The following ZNF609 variants were observed in gnomAD, a reference collection of about 807,000 sequenced individuals.
ZNF609 encodes the protein zinc finger protein 609.
ZNF609 carries 11 observed loss-of-function variants against 109.5 expected under a neutral mutation model. That is an observed-to-expected ratio of 0.10 (90% confidence interval 0.06 to 0.17). The LOEUF (loss-of-function observed/expected upper bound fraction) is 0.17. Ranked by LOEUF, ZNF609 falls within the 10% of genes least tolerant of loss-of-function variation. The pLI, the probability that ZNF609 is intolerant of heterozygous loss-of-function variation, is 1.00. For missense variants in ZNF609, 1,559 were observed against 1,772.4 expected, an observed-to-expected ratio of 0.88 and a Z score of 2.16; for synonymous variants, 646 against 662.0, an observed-to-expected ratio of 0.98 and a Z score of 0.37.
chr15:64,492,063 G>A lies in ZNF609; in HGVS notation c.-127-7230G>A, dbSNP rs1472273221. On this transcript the variant is annotated intron_variant, in intron 1 of 9. Transcript: ENST00000326648. ...TCGAGACCAGCATGGCCAACATGGCGAAACCCCATCTCTACTAAAAGTACA... is the reference window on the plus strand; with the variant it reads ...TCGAGACCAGCATGGCCAACATGGCAAAACCCCATCTCTACTAAAAGTACA... Among the ~76,000 whole-genome samples, 5 of 152,040 alleles carry A rather than the reference G, an allele frequency of 3.3e-5. No individual in the cohort carries two copies. The East Asian group carries it at 7.8e-4, about 24-fold the overall frequency.
chr15:64,529,447 G>A (rs1595708720), intron 2 of ZNF609: 4 of 922,790 alleles, frequency 4.3e-6, no homozygotes. Flanking sequence ...TGGAAAATGG[G>A]TGATGGGGTT....
chr15:64,524,473 A>G (rs1322067384), intron 2 of ZNF609, among the ~76,000 whole-genome samples: 1 of 151,468 alleles, frequency 6.6e-6, no homozygotes, highest in Non-Finnish European at 1.5e-5. Flanking sequence ...CTGAGGCAGG[A>G]GAATTGCTTG....
At chr15:64,470,498 A>G (rs910416298) in intron 1 of ZNF609, 3 of 152,076 alleles carry the variant, frequency 2.0e-5, no homozygotes, top group Non-Finnish European at 2.9e-5. Context: ...ATTGAGAGTA[A>G]TGTTAGGAAG....
At chr15:64,579,721 A>AAAT (rs397696623) in intron 2 of ZNF609, among the ~76,000 whole-genome samples, 1 of 150,608 alleles carries the variant, frequency 6.6e-6, no homozygotes, top group African/African-American at 2.4e-5. Flanking sequence ...AAAAAAAAAA[A>AAAT]CTTGTGTTTT....
chr15:64,588,615 A>C (rs1053176363), intron 2 of ZNF609, among the ~76,000 whole-genome samples: 1 of 149,934 alleles, frequency 6.7e-6, no homozygotes, highest in Non-Finnish European at 1.5e-5. Context: ...ATAGTGCTGG[A>C]ATTACAGGCA....
rs3057845 is a variant in ZNF609 at position 64,637,994 on chromosome 15, T to TTATATATA, written c.973+14957_973+14964dup. On this transcript the variant is annotated intron_variant, in intron 3 of 9. Coordinates refer to ENST00000326648, the MANE Select transcript of ZNF609 (RefSeq NM_015042.2). ...CTATGTTTTTTCTGAGAACCTTGTT[T>TTATATATA]TATATATATATATATATATATAAAA... 3.3e-3 allele frequency among the ~76,000 whole-genome samples: 450 copies of TTATATATA among 134,340 alleles called. 3 individuals carry two copies. Among genetic ancestry groups the TTATATATA allele is most frequent in the African/African-American group, 8.8e-3 (328 of 37,232 alleles). The allele number at this position is 134,340 out of a possible 152,430, so 88.1% of individuals were successfully genotyped here.
intron 2 of ZNF609, among the ~76,000 whole-genome samples, chr15:64,605,719 T>G (rs1219904020): frequency 6.6e-6 from 1 of 151,428 alleles, no homozygotes; most frequent in Non-Finnish European, 1.5e-5. Flanking sequence ...GCTGAGATTT[T>G]TTTTTCTTTT....
intron 2 of ZNF609, among the ~76,000 whole-genome samples, chr15:64,613,011 T>A (rs1196532695): frequency 2.6e-5 from 4 of 151,434 alleles, no homozygotes; most frequent in Non-Finnish European, 5.9e-5. Flanking sequence ...TGAGACTCTG[T>A]CTAAAACACA....
chr15:64,552,935 C>G (rs562982215), intron 2 of ZNF609, among the ~76,000 whole-genome samples: 5 of 152,166 alleles, frequency 3.3e-5, no homozygotes, highest in Admixed American at 6.5e-5. Context: ...GGGCATAAGG[C>G]ATTGCACTCA....
chr15:64,629,701 CT>C (rs1173685573), intron 3 of ZNF609, among the ~76,000 whole-genome samples: 2 of 152,148 alleles, frequency 1.3e-5, no homozygotes, highest in African/African-American at 4.8e-5. Flanking sequence ...GAAATTTAGC[CT>C]TTTAGCTGGA....
chr15:64,615,868 C>G (rs948699318), intron 2 of ZNF609, among the ~76,000 whole-genome samples: 4 of 152,182 alleles, frequency 2.6e-5, no homozygotes, highest in African/African-American at 9.7e-5. Flanking sequence ...CCCCAACTAC[C>G]TTTTTATTTT....
At chr15:64,468,759 G>A (rs1893049020) in intron 1 of ZNF609, among the ~76,000 whole-genome samples, 1 of 152,046 alleles carries the variant, frequency 6.6e-6, no homozygotes, top group Non-Finnish European at 1.5e-5. Context: ...TCATAGAATT[G>A]AGAGTCATAA....
At chr15:64,676,802 G>A (rs1193898115) in intron 5 of ZNF609, among the ~76,000 whole-genome samples, 1 of 143,036 alleles carries the variant, frequency 7.0e-6, no homozygotes, top group African/African-American at 2.6e-5. Flanking sequence ...CACCCAGGCT[G>A]GAATGCACTG....
At chr15:64,612,034 C>T (rs745582149) in intron 2 of ZNF609, among the ~76,000 whole-genome samples, 2 of 151,882 alleles carry the variant, frequency 1.3e-5, no homozygotes, top group African/African-American at 2.4e-5. Flanking sequence ...CGTGCCCAGC[C>T]TGTACTTGCA....
Position 64,500,486 on chromosome 15 carries a change from G to A in ZNF609, c.747+320G>A, listed in dbSNP as rs1274937452. 3 of 633,442 alleles carry A rather than the reference G, an allele frequency of 4.7e-6. No individual in the cohort carries two copies. In the African/African-American group the frequency reaches 5.4e-5, roughly 11 times the overall value. The allele number at this position is 633,442 out of a possible 1,614,324, so 39.2% of individuals were successfully genotyped here. On this transcript the variant is annotated intron_variant, in intron 2 of 9. Coordinates refer to ENST00000326648, the MANE Select transcript of ZNF609 (RefSeq NM_015042.2). ...TGCCCACCTCAGACACTTGTTGGTA[G>A]AGATTGGCATCAGACCTTTATTTGT...
intron 4 of ZNF609, among the ~76,000 whole-genome samples, chr15:64,672,203 G>A (rs1896740945): frequency 6.7e-6 from 1 of 149,176 alleles, no homozygotes; most frequent in African/African-American, 2.4e-5. Flanking sequence ...TAGTAGAGAC[G>A]GGGTTTCACC....
chr15:64,607,569 A>G (rs906527361), intron 2 of ZNF609, among the ~76,000 whole-genome samples: 2 of 141,232 alleles, frequency 1.4e-5, no homozygotes, highest in African/African-American at 5.4e-5. Context: ...CAGTGGCGCG[A>G]TCTTGGCTCA....
intron 1 of ZNF609, among the ~76,000 whole-genome samples, chr15:64,486,751 G>A (rs945595961): frequency 6.6e-6 from 1 of 151,898 alleles, no homozygotes; most frequent in Admixed American, 6.6e-5. Flanking sequence ...GAGTAGCTGG[G>A]ACTATAGGCA....
At chr15:64,543,616 G>A (rs987646686) in intron 2 of ZNF609, among the ~76,000 whole-genome samples, 2 of 151,656 alleles carry the variant, frequency 1.3e-5, no homozygotes, top group Non-Finnish European at 2.9e-5. Flanking sequence ...GCTAATTTTT[G>A]TATTGTTAGT....
Sources: gnomAD v4.1 joint callset for allele counts (sites outside exome capture counted in the v4.1 genomes callset) on GRCh38, gnomAD v4.1.1 for gene constraint, MANE v1.5 for transcripts, NCBI Gene and HGNC (gene_info 2026-07-23, HGNC 2026-07-21) for gene names.